The following PREX1 variants were observed in gnomAD, a reference collection of about 807,000 sequenced individuals.
The protein encoded by PREX1 is phosphatidylinositol 3,4,5-trisphosphate-dependent Rac exchanger 1 protein.
Under a neutral mutation model 198.3 loss-of-function variants are expected in PREX1, and 41 were observed. The observed-to-expected ratio is 0.21, with a 90% CI of 0.16 to 0.27. The LOEUF (loss-of-function observed/expected upper bound fraction) is 0.27, where lower values mean the gene tolerates loss of function less well. PREX1 is among the 10% of genes least tolerant of loss of function. The pLI, the probability that PREX1 is intolerant of heterozygous loss-of-function variation, is 1.00. For synonymous variants in PREX1, 843 were observed against 887.2 expected (o/e 0.95, Z 0.89); for missense variants, 1,620 against 2,200.7 (o/e 0.74, Z 5.28).
At chr20:48,780,429 G>A (rs1394328227) in intron 1 of PREX1, among the ~76,000 whole-genome samples, 1 of 152,018 alleles carries the variant, frequency 6.6e-6, no homozygotes, top group Non-Finnish European at 1.5e-5. Context: ...ACCAGCCTGG[G>A]CAACACAGCA....
the PREX1 span, among the ~76,000 whole-genome samples, chr20:48,853,974 A>G: frequency 6.6e-6 from 1 of 152,194 alleles, no homozygotes; most frequent in African/African-American, 2.4e-5. Flanking sequence ...CCTTCTCTCC[A>G]TGGGGTCCCG....
intron 1 of PREX1, among the ~76,000 whole-genome samples, chr20:48,750,313 T>C (rs2090128568): frequency 6.6e-6 from 1 of 152,140 alleles, no homozygotes; most frequent in Non-Finnish European, 1.5e-5. Flanking sequence ...CCCAAAAGTC[T>C]GTTCTCTACA....
chr20:48,845,992 A>C, the PREX1 span, among the ~76,000 whole-genome samples: 1 of 152,340 alleles, frequency 6.6e-6, no homozygotes, highest in South Asian at 2.1e-4. Context: ...AAAAATGATC[A>C]CAGCTAACAC....
At chr20:48,849,688 G>A in the PREX1 span, among the ~76,000 whole-genome samples, 1 of 152,158 alleles carries the variant, frequency 6.6e-6, no homozygotes, top group African/African-American at 2.4e-5. Flanking sequence ...AGCATATTCT[G>A]TGATATGAAT....
chr20:48,837,064 A>G, the PREX1 span, among the ~76,000 whole-genome samples: 1 of 152,192 alleles, frequency 6.6e-6, no homozygotes, highest in Non-Finnish European at 1.5e-5. Flanking sequence ...AAACTGAAGC[A>G]TAGGAAAATA....
At chr20:48,861,842 A>G in the PREX1 span, among the ~76,000 whole-genome samples, 1 of 152,116 alleles carries the variant, frequency 6.6e-6, no homozygotes, top group Non-Finnish European at 1.5e-5. Context: ...CCAGCAGGAA[A>G]GGAAGTCTCC....
chr20:48,704,131 G>A (rs972616298), intron 6 of PREX1, among the ~76,000 whole-genome samples: 3 of 152,236 alleles, frequency 2.0e-5, no homozygotes, highest in Non-Finnish European at 2.9e-5. Context: ...TACAGATGAG[G>A]AGACCGAGGC....
intron 33 of PREX1, 59 bp from the exon 34 acceptor site, chr20:48,632,698 T>C: frequency 6.3e-7 from 1 of 1,588,378 alleles, no homozygotes; most frequent in Non-Finnish European, 8.6e-7. Context: ...GGGGAAGCCC[T>C]GGCACACCTC....
intron 2 of PREX1, among the ~76,000 whole-genome samples, chr20:48,745,727 T>C (rs963181855): frequency 2.0e-5 from 3 of 152,242 alleles, no homozygotes; most frequent in Non-Finnish European, 1.5e-5. Flanking sequence ...AAAACACTAA[T>C]ACAATTTGAC....
At chr20:48,837,206 C>T in the PREX1 span, among the ~76,000 whole-genome samples, 1 of 152,156 alleles carries the variant, frequency 6.6e-6, no homozygotes, top group South Asian at 2.1e-4. Context: ...AAAGGGAATG[C>T]TTATGCACTG....
Position 48,751,865 on chromosome 20 carries a change from T to A in PREX1, c.220-3985A>T, listed in dbSNP as rs548227086. 2.0e-5 allele frequency among the ~76,000 whole-genome samples: 3 copies of A among 152,168 alleles called. No individual in the cohort carries two copies. In the East Asian group the frequency reaches 5.8e-4, roughly 29 times the overall value. ...AATACGTCAGGGATACAGAAAAGAA[T>A]AGAGAGAAACAACAAACACCCACAA... On this transcript the variant is annotated intron_variant, in intron 1 of 39. Transcript: ENST00000371941.
the PREX1 span, among the ~76,000 whole-genome samples, chr20:48,860,197 A>G: frequency 6.6e-6 from 1 of 152,244 alleles, no homozygotes; most frequent in Non-Finnish European, 1.5e-5. Context: ...TCCAACCTTA[A>G]AAATGAAGGA....
intron 1 of PREX1, among the ~76,000 whole-genome samples, chr20:48,772,360 G>A (rs7265530): frequency 3.3e-5 from 5 of 152,310 alleles, no homozygotes; most frequent in South Asian, 4.1e-4. Context: ...GCGCAGGTGC[G>A]CAGCTCGTGG....
chr20:48,633,403 A>G (rs1164051827), intron 33 of PREX1, among the ~76,000 whole-genome samples: 1 of 152,242 alleles, frequency 6.6e-6, no homozygotes, highest in Non-Finnish European at 1.5e-5. Flanking sequence ...CCGTAGTAGT[A>G]TAATTTCATG....
chr20:48,810,873 G>A (rs1366359509), intron 1 of PREX1, among the ~76,000 whole-genome samples: 3 of 152,000 alleles, frequency 2.0e-5, no homozygotes, highest in East Asian at 3.9e-4. Context: ...GGCGACAAGA[G>A]CCAGACTCCT....
the PREX1 span, among the ~76,000 whole-genome samples, chr20:48,885,596 T>G: frequency 6.6e-6 from 1 of 152,134 alleles, no homozygotes; most frequent in Non-Finnish European, 1.5e-5. Context: ...CACAAAAACC[T>G]GTACATCATG....
At chr20:48,840,634 G>A in the PREX1 span, among the ~76,000 whole-genome samples, 1 of 152,210 alleles carries the variant, frequency 6.6e-6, no homozygotes, top group East Asian at 1.9e-4. Context: ...ATGGCTGCTT[G>A]GGGTGGGCAG....
intron 14 of PREX1, 43 bp downstream of exon 14, chr20:48,676,150 A>G (rs773965387): frequency 4.5e-6 from 7 of 1,572,222 alleles, no homozygotes; most frequent in Non-Finnish European, 6.1e-6. Flanking sequence ...ACACTGACGG[A>G]CAAAGCAGAA....
chr20:48,676,039 G>GAA (rs1167671520), intron 14 of PREX1, among the ~76,000 whole-genome samples, 154 bp downstream of exon 14: 2 of 124,310 alleles, frequency 1.6e-5, no homozygotes, highest in African/African-American at 3.0e-5. Context: ...TCTGTCTCAA[G>GAA]AAAAAAAAAA....
Sources: allele counts gnomAD v4.1 joint callset (sites outside exome capture counted in the v4.1 genomes callset), GRCh38; gene constraint gnomAD v4.1.1; transcripts MANE v1.5; gene names NCBI Gene and HGNC (gene_info 2026-07-23, HGNC 2026-07-21).